Variants in CACNA2D3 observed in about 807,000 individuals in gnomAD.
CACNA2D3 encodes the protein calcium voltage-gated channel auxiliary subunit alpha2delta 3, also known as voltage-dependent calcium channel subunit alpha-2/delta-3.
CACNA2D3 carries 60 observed loss-of-function variants against 160.6 expected under a neutral mutation model. The ratio of observed to expected loss-of-function variants is 0.37; its 90% CI spans 0.30 to 0.46. The LOEUF is 0.46. Among genes scored for constraint, CACNA2D3 ranks in the 20% least tolerant of loss-of-function variants. The pLI is 1.00. For missense variants in CACNA2D3, 1,205 were observed against 1,365.0 expected, an observed-to-expected ratio of 0.88 and a Z score of 1.85; for synonymous variants, 558 against 492.9, an observed-to-expected ratio of 1.13 and a Z score of -1.75.
At chr3:54,580,226 C>T (rs1358225349) in intron 8 of CACNA2D3, among the ~76,000 whole-genome samples, 1 of 152,102 alleles carries the variant, frequency 6.6e-6, no homozygotes, top group African/African-American at 2.4e-5. Flanking sequence ...AGTTTCCCTG[C>T]TGCCTAGGTG....
chr3:54,212,499 T>C (rs561801875), intron 2 of CACNA2D3, among the ~76,000 whole-genome samples: 21 of 152,208 alleles, frequency 1.4e-4, no homozygotes, highest in Non-Finnish European at 2.9e-4. Context: ...AGTTTTACCA[T>C]GTAGATGAAG....
chr3:54,402,848 G>C (rs1233828022), intron 4 of CACNA2D3, among the ~76,000 whole-genome samples: 1 of 152,164 alleles, frequency 6.6e-6, no homozygotes, highest in African/African-American at 2.4e-5. Flanking sequence ...AGTGCACGTG[G>C]AACATTCTCC....
At chr3:54,733,459 G>T (rs181760622) in intron 11 of CACNA2D3, among the ~76,000 whole-genome samples, 164 of 152,206 alleles carry the variant, frequency 1.1e-3, no homozygotes, top group Admixed American at 4.4e-3. Flanking sequence ...ATCCCAAAGG[G>T]GCCCTAGGAT....
At chr3:54,984,818 C>G in intron 30 of CACNA2D3, 148 bp downstream of exon 30, 1 of 618,278 alleles carries the variant, frequency 1.6e-6, no homozygotes, top group Non-Finnish European at 2.8e-6. Context: ...TTCCATCCCT[C>G]TAAGAATGCC....
intron 2 of CACNA2D3, among the ~76,000 whole-genome samples, chr3:54,170,991 C>T (rs1700551565): frequency 6.6e-6 from 1 of 151,888 alleles, no homozygotes; most frequent in African/African-American, 2.4e-5. Context: ...AGACAGGGGG[C>T]CTGACCGTCC....
intron 11 of CACNA2D3, among the ~76,000 whole-genome samples, chr3:54,667,915 C>G (rs1274525865): frequency 2.7e-5 from 4 of 150,684 alleles, no homozygotes; most frequent in South Asian, 4.2e-4. Context: ...TGACTGCACT[C>G]CAGCCTGGGC....
At chr3:54,749,102 T>C (rs1285464600) in intron 11 of CACNA2D3, among the ~76,000 whole-genome samples, 2 of 152,236 alleles carry the variant, frequency 1.3e-5, no homozygotes, top group Non-Finnish European at 2.9e-5. Context: ...ATTACTTTCT[T>C]TTCACTTAAA....
At chr3:54,411,827 C>A (rs1217337856) in intron 4 of CACNA2D3, among the ~76,000 whole-genome samples, 2 of 152,098 alleles carry the variant, frequency 1.3e-5, no homozygotes, top group Non-Finnish European at 2.9e-5. Flanking sequence ...CAAAAAAGAG[C>A]CAGGATATCA....
intron 11 of CACNA2D3, among the ~76,000 whole-genome samples, chr3:54,694,959 A>G (rs1241768918): frequency 6.6e-6 from 1 of 152,214 alleles, no homozygotes; most frequent in Admixed American, 6.5e-5. Context: ...GGATCATTCT[A>G]CATAACTTTT....
At chr3:54,985,110 G>A (rs905114606) in intron 30 of CACNA2D3, among the ~76,000 whole-genome samples, 1 of 152,134 alleles carries the variant, frequency 6.6e-6, no homozygotes, top group Non-Finnish European at 1.5e-5. Context: ...TATGGCTTTC[G>A]TTCTGGTTTT....
intron 14 of CACNA2D3, among the ~76,000 whole-genome samples, chr3:54,824,274 C>T (rs1377770855): frequency 6.6e-6 from 1 of 152,208 alleles, no homozygotes; most frequent in African/African-American, 2.4e-5. Context: ...CGACATTGAT[C>T]TGAGCATGGG....
At chr3:54,927,977 A>G (rs1701074805) in intron 27 of CACNA2D3, 2 of 1,515,758 alleles carry the variant, frequency 1.3e-6, no homozygotes, top group Non-Finnish European at 1.8e-6. Flanking sequence ...AGAGCAACAC[A>G]CGAAGGGCAT....
intron 13 of CACNA2D3, among the ~76,000 whole-genome samples, chr3:54,815,601 C>A (rs1703431949): frequency 6.6e-6 from 1 of 152,124 alleles, no homozygotes; most frequent in South Asian, 2.1e-4. Context: ...GTCACAATTC[C>A]CAAGTGTTTG....
intron 31 of CACNA2D3, among the ~76,000 whole-genome samples, chr3:54,993,754 C>T (rs987742941): frequency 1.3e-5 from 2 of 152,062 alleles, no homozygotes; most frequent in African/African-American, 4.8e-5. Context: ...ACCAATGGAG[C>T]ACACCTGGCC....
intron 11 of CACNA2D3, among the ~76,000 whole-genome samples, chr3:54,673,983 T>C (rs1700200025): frequency 6.6e-6 from 1 of 152,192 alleles, no homozygotes; most frequent in African/African-American, 2.4e-5. Flanking sequence ...CCATGGCTGA[T>C]GAAGCAGAGC....
chr3:54,148,340 A>G (rs1319777925), intron 2 of CACNA2D3, among the ~76,000 whole-genome samples: 2 of 152,198 alleles, frequency 1.3e-5, no homozygotes, highest in Non-Finnish European at 2.9e-5. Flanking sequence ...CAGGCTGCAG[A>G]CCCAGGGAGA....
chr3:54,153,425 T>C (rs1474033802), intron 2 of CACNA2D3, among the ~76,000 whole-genome samples: 2 of 152,214 alleles, frequency 1.3e-5, no homozygotes, highest in Non-Finnish European at 2.9e-5. Flanking sequence ...ACTTGTGGGC[T>C]TGTGGAATAA....
At chr3:54,615,778 C>T (rs1412316884) in intron 9 of CACNA2D3, among the ~76,000 whole-genome samples, 1 of 152,172 alleles carries the variant, frequency 6.6e-6, no homozygotes, top group East Asian at 1.9e-4. Flanking sequence ...AGATCAAATA[C>T]CATACTGGTC....
chr3:54,529,028 T>C (rs2106638411), intron 5 of CACNA2D3, among the ~76,000 whole-genome samples: 1 of 152,246 alleles, frequency 6.6e-6, no homozygotes, highest in African/African-American at 2.4e-5. Flanking sequence ...ACTGACCTTT[T>C]GTGGTTTCAT....
Sources: gnomAD v4.1 joint callset for allele counts (sites outside exome capture counted in the v4.1 genomes callset) on GRCh38, gnomAD v4.1.1 for gene constraint, MANE v1.5 for transcripts, NCBI Gene and HGNC (gene_info 2026-07-23, HGNC 2026-07-21) for gene names.